BRIP1: variants seen among roughly 807,000 people sequenced by gnomAD.
The protein encoded by BRIP1 is BRCA1 interacting DNA helicase 1.
BRIP1 carries 88 observed loss-of-function variants against 119.7 expected under a neutral mutation model. The ratio of observed to expected loss-of-function variants is 0.74; its 90% CI spans 0.62 to 0.88. The LOEUF is 0.88. Ranked by LOEUF, BRIP1 falls within the 40% of genes least tolerant of loss-of-function variation. BRIP1 has a pLI of 0.00. For missense variants in BRIP1, 1,259 were observed against 1,455.4 expected, an observed-to-expected ratio of 0.87 and a Z score of 2.20; for synonymous variants, 443 against 496.5, an observed-to-expected ratio of 0.89 and a Z score of 1.43.
rs950081874 is a variant in BRIP1, at chr17:61,730,272, G to C, written c.2379+12741C>G. On this transcript the variant is annotated intron_variant, in intron 16 of 19. Transcript: ENST00000259008. The surrounding 1 kb of genome is among the most constrained non-coding windows in gnomAD (Gnocchi z 4.3). ...TAAAGCTTTACAGTTAGAAAAAAAA[G>C]TGACATAGTCACCTGAAGCCCCTCT... Among the ~76,000 whole-genome samples the C allele has an allele frequency of 3.9e-5, 6 of 152,134 alleles. No individual in the cohort carries two copies. The highest frequency in any genetic ancestry group is 1.4e-4 in the African/African-American group (6 of 41,432).
chr17:61,793,779 C>G lies in BRIP1; in HGVS notation c.1341-50G>C, dbSNP rs150458297. 6.4e-7 allele frequency: 1 copy of G among 1,567,096 alleles called. No homozygotes were observed. Among genetic ancestry groups the G allele is most frequent in the South Asian group, 1.1e-5 (1 of 87,864 alleles). On this transcript the variant is annotated intron_variant, in intron 9 of 19. Coordinates refer to ENST00000259008, the MANE Select transcript of BRIP1 (RefSeq NM_032043.3). The surrounding 1 kb of genome is among the most constrained non-coding windows in gnomAD (Gnocchi z 5.2). The stretch of plus-strand genomic sequence containing the variant: ...TCAACCAGTATCATCCTTACACACA[C>G]TATTTCAGCAGAACAAGAGAATCAT...
rs2144611208 is a variant in BRIP1 at position 61,735,685 on chromosome 17, C to T, written c.2379+7328G>A. ...GTGTGGTGGCGTGTGGCTGTAGTGC[C>T]AGCTACCCAGGAGGCTGAGGTGGGA... is the stretch of plus-strand genomic sequence containing the variant. On this transcript the variant is annotated intron_variant, in intron 16 of 19. Coordinates refer to ENST00000259008, the MANE Select transcript of BRIP1 (RefSeq NM_032043.3). The surrounding 1 kb of genome is among the most constrained non-coding windows in gnomAD (Gnocchi z 4.4). 6.6e-6 allele frequency among the ~76,000 whole-genome samples: 1 copy of T among 151,888 alleles called. No individual in the cohort carries two copies. Among genetic ancestry groups the T allele is most frequent in the East Asian group, 1.9e-4 (1 of 5,164 alleles).
intron 17 of BRIP1, among the ~76,000 whole-genome samples, chr17:61,698,527 C>T (rs984435841): frequency 2.0e-5 from 3 of 152,018 alleles, no homozygotes; most frequent in South Asian, 2.1e-4. Context: ...TAGTTTTGTT[C>T]AAGGCTTTTA....
At position 61,753,733 on chromosome 17, in the gene BRIP1, C is replaced by T. The variant is rs2077164096; in HGVS notation, c.2098-9142G>A. On this transcript the variant is annotated intron_variant, in intron 14 of 19. Transcript: ENST00000259008. This position sits in a 1 kb window ranked among gnomAD's most constrained non-coding sequence, Gnocchi z 4.6. ...CCTCCCACCTCAACCTCTCAAGTAG[C>T]TGGGACTACAGGTATGCACTGCCAT... is the stretch of plus-strand genomic sequence containing the variant. Among the ~76,000 whole-genome samples, 1 of 151,818 alleles carries T rather than the reference C, an allele frequency of 6.6e-6. No individual in the cohort carries two copies. Among genetic ancestry groups the T allele is most frequent in the Admixed American group, 6.6e-5 (1 of 15,222 alleles).
At position 61,822,781 on chromosome 17, in the gene BRIP1, G is replaced by T. The variant is rs1206480442; in HGVS notation, c.628-14024C>A. 6.6e-6 allele frequency among the ~76,000 whole-genome samples: 1 copy of T among 151,948 alleles called. No individual in the cohort carries two copies. The highest frequency in any genetic ancestry group is 2.4e-5 in the African/African-American group (1 of 41,332). ...AAAGTTTGTGTTTAAAAAAAAAAAG[G>T]CCCTGTATGACTAATATGGGGACCA... On this transcript the variant is annotated intron_variant, in intron 6 of 19. Coordinates refer to ENST00000259008, the MANE Select transcript of BRIP1 (RefSeq NM_032043.3). This position sits in a 1 kb window ranked among gnomAD's most constrained non-coding sequence, Gnocchi z 4.4.
chr17:61,681,297 T>A lies in BRIP1; in HGVS notation c.*1999A>T, dbSNP rs1434264542. Reference sequence around the variant, plus strand: ...TTTTAAATGAAATAATATGCTTTATTTTAACCGTTCTGGAACAAAAGCAAA... The same window carrying A: ...TTTTAAATGAAATAATATGCTTTATATTAACCGTTCTGGAACAAAAGCAAA... On this transcript the variant is annotated 3_prime_UTR_variant, in exon 20 of 20. Coordinates refer to ENST00000259008, the MANE Select transcript of BRIP1 (RefSeq NM_032043.3). The surrounding 1 kb of genome is among the most constrained non-coding windows in gnomAD (Gnocchi z 5.1). 3 of 210,644 alleles carry A rather than the reference T, an allele frequency of 1.4e-5. No homozygotes were observed. The highest frequency in any genetic ancestry group is 9.6e-6 in the Non-Finnish European group (1 of 103,898). 13.0% of individuals were successfully genotyped at this position (210,644 alleles called of 1,614,324 possible).
rs1279319762 is a variant in BRIP1, at chr17:61,841,845, A to AT, written c.627+5255dup. ...AGGCACGTACCACCACGCCTGGCTA[A>AT]TTTTTTTAAAAATTTTGTACAGATG... On this transcript the variant is annotated intron_variant, in intron 6 of 19. Coordinates refer to ENST00000259008, the MANE Select transcript of BRIP1 (RefSeq NM_032043.3). This position sits in a 1 kb window ranked among gnomAD's most constrained non-coding sequence, Gnocchi z 4.1. 1.3e-5 allele frequency among the ~76,000 whole-genome samples: 2 copies of AT among 152,024 alleles called. No individual in the cohort carries two copies. Among genetic ancestry groups the AT allele is most frequent in the Admixed American group, 1.3e-4 (2 of 15,242 alleles).
chr17:61,804,124 T>C lies in BRIP1; in HGVS notation c.919-2650A>G, dbSNP rs2078036406. 6.6e-6 allele frequency among the ~76,000 whole-genome samples: 1 copy of C among 152,122 alleles called. No homozygotes were observed. The highest frequency in any genetic ancestry group is 1.5e-5 in the Non-Finnish European group (1 of 67,996). On this transcript the variant is annotated intron_variant, in intron 7 of 19. Transcript: ENST00000259008. The surrounding 1 kb of genome is among the most constrained non-coding windows in gnomAD (Gnocchi z 4.5). ...CTGGTAGAATAGATATATAAAATCT[T>C]ACAGTAGTTACCTTAAAGGATTAAG...
rs1321381653 is a variant in BRIP1, at chr17:61,853,353, AG to A, written c.379+3704del. ...GGGACAGTGACTGAAAAAGAAGATG[AG>A]GAGGGCCTCTGGGGTGTTGGTAATG... On this transcript the variant is annotated intron_variant, in intron 4 of 19. Coordinates refer to ENST00000259008, the MANE Select transcript of BRIP1 (RefSeq NM_032043.3). This position sits in a 1 kb window ranked among gnomAD's most constrained non-coding sequence, Gnocchi z 4.3. Among the ~76,000 whole-genome samples, 1 of 151,820 alleles carries A rather than the reference AG, an allele frequency of 6.6e-6. No individual in the cohort carries two copies. Among genetic ancestry groups the A allele is most frequent in the African/African-American group, 2.4e-5 (1 of 41,386 alleles).
At position 61,808,394 on chromosome 17, in the gene BRIP1, T is replaced by C. The variant is rs2078104925; in HGVS notation, c.918+73A>G. On this transcript the variant is annotated intron_variant, in intron 7 of 19. Transcript: ENST00000259008. This position sits in a 1 kb window ranked among gnomAD's most constrained non-coding sequence, Gnocchi z 4.1. ...AAGTTGATTATCACTAAAATGTACA[T>C]ATAAAACACATACTGAGTAATTTAA... 3 of 1,456,040 alleles carry C rather than the reference T, an allele frequency of 2.1e-6. No individual in the cohort carries two copies. The highest frequency in any genetic ancestry group is 1.2e-5 in the South Asian group (1 of 86,692). 90.2% of individuals were successfully genotyped at this position (1,456,040 alleles called of 1,614,324 possible).
At position 61,701,214 on chromosome 17, in the gene BRIP1, CATG is replaced by C. The variant is rs1397512778; in HGVS notation, c.2493-7705_2493-7703del. Reference sequence around the variant, plus strand: ...TAGTTATACTTTCTTTGTTATGTGTCATGATTTTTGTTGAAAACAGTACATTTT... The same window carrying C: ...TAGTTATACTTTCTTTGTTATGTGTCATTTTTGTTGAAAACAGTACATTTT... On this transcript the variant is annotated intron_variant, in intron 17 of 19. Coordinates refer to ENST00000259008, the MANE Select transcript of BRIP1 (RefSeq NM_032043.3). This position sits in a 1 kb window ranked among gnomAD's most constrained non-coding sequence, Gnocchi z 5.1. Among the ~76,000 whole-genome samples, 31 of 152,198 alleles carry C rather than the reference CATG, an allele frequency of 2.0e-4. No individual in the cohort carries two copies. The highest frequency in any genetic ancestry group is 2.0e-3 in the Admixed American group (30 of 15,274).
chr17:61,696,801 C>T (rs141731327), intron 17 of BRIP1, among the ~76,000 whole-genome samples: 3,939 of 151,232 alleles, frequency 0.026, 162 homozygotes, highest in African/African-American at 0.09. Flanking sequence ...CTGGCTAACA[C>T]GGTGAAACCC....
chr17:61,689,026 C>CTGTTATGTTATGTCATGTTATGTTA lies in BRIP1; in HGVS notation c.2576-2862_2576-2861insTAACATAACATGACATAACATAACA, dbSNP rs2061404580. Reference sequence around the variant, plus strand: ...TACTTTATTTTATATATTTTATATTCTGTTATGTTATGTTATGTTATGTTA... The same window carrying CTGTTATGTTATGTCATGTTATGTTA: ...TACTTTATTTTATATATTTTATATTCTGTTATGTTATGTCATGTTATGTTATGTTATGTTATGTTATGTTATGTTA... On this transcript the variant is annotated intron_variant, in intron 18 of 19. Transcript: ENST00000259008. The surrounding 1 kb of genome is among the most constrained non-coding windows in gnomAD (Gnocchi z 4.5). 6.9e-6 allele frequency among the ~76,000 whole-genome samples: 1 copy of CTGTTATGTTATGTCATGTTATGTTA among 145,598 alleles called. No individual in the cohort carries two copies. The highest frequency in any genetic ancestry group is 1.5e-5 in the Non-Finnish European group (1 of 67,116).
rs553849244 is a variant in BRIP1, at chr17:61,717,847, C to T, written c.2380-1784G>A. On this transcript the variant is annotated intron_variant, in intron 16 of 19. Coordinates refer to ENST00000259008, the MANE Select transcript of BRIP1 (RefSeq NM_032043.3). This position sits in a 1 kb window ranked among gnomAD's most constrained non-coding sequence, Gnocchi z 4.1. ...TATTACTCCACATGTCACTGACCCTCTTTTTTTTCACTCTACACTTCATTT... is the reference window on the plus strand; with the variant it reads ...TATTACTCCACATGTCACTGACCCTTTTTTTTTTCACTCTACACTTCATTT... Among the ~76,000 whole-genome samples, 80 of 151,904 alleles carry T rather than the reference C, an allele frequency of 5.3e-4. No homozygotes were observed. Among genetic ancestry groups the T allele is most frequent in the Admixed American group, 1.7e-3 (26 of 15,228 alleles).
rs550412464 is a variant in BRIP1 at position 61,725,614 on chromosome 17, G to A, written c.2380-9551C>T. On this transcript the variant is annotated intron_variant, in intron 16 of 19. Coordinates refer to ENST00000259008, the MANE Select transcript of BRIP1 (RefSeq NM_032043.3). The surrounding 1 kb of genome is among the most constrained non-coding windows in gnomAD (Gnocchi z 5.3). ...GCATGCTTATTCTGTAAAGGGCTAA[G>A]TTAAAGTTTTCATTTTTATTTTTTA... Among the ~76,000 whole-genome samples the A allele has an allele frequency of 1.5e-3, 231 of 152,184 alleles. 1 individual carries two copies. The Middle Eastern group carries it at 0.017, about 11-fold the overall frequency.
In BRIP1 at chr17:61,722,288, G is replaced by T. The variant is rs917817489; in HGVS notation, c.2380-6225C>A. Among the ~76,000 whole-genome samples the T allele has an allele frequency of 6.6e-6, 1 of 151,892 alleles. No individual in the cohort carries two copies. Among genetic ancestry groups the T allele is most frequent in the Non-Finnish European group, 1.5e-5 (1 of 67,968 alleles). On this transcript the variant is annotated intron_variant, in intron 16 of 19. Coordinates refer to ENST00000259008, the MANE Select transcript of BRIP1 (RefSeq NM_032043.3). This position sits in a 1 kb window ranked among gnomAD's most constrained non-coding sequence, Gnocchi z 4.6. ...GATCTCCAGACCTGGTGATCCCTCT[G>T]CCTCGGCTTCCCAAAGGGCTGAGAT...
In BRIP1 at chr17:61,762,222, T is replaced by C. The variant is rs2077287349; in HGVS notation, c.2097+14179A>G. 6.6e-6 allele frequency among the ~76,000 whole-genome samples: 1 copy of C among 151,970 alleles called. No homozygotes were observed. Among genetic ancestry groups the C allele is most frequent in the African/African-American group, 2.4e-5 (1 of 41,412 alleles). On this transcript the variant is annotated intron_variant, in intron 14 of 19. Coordinates refer to ENST00000259008, the MANE Select transcript of BRIP1 (RefSeq NM_032043.3). The surrounding 1 kb of genome is among the most constrained non-coding windows in gnomAD (Gnocchi z 4.3). Reference sequence around the variant, plus strand: ...ATGCAGAAGAATGAAAATGGACCCTTATCTCACAATATTTAAAAAAAAACT... The same window carrying C: ...ATGCAGAAGAATGAAAATGGACCCTCATCTCACAATATTTAAAAAAAAACT...
intron 16 of BRIP1, among the ~76,000 whole-genome samples, chr17:61,733,898 A>C (rs1300104240): frequency 6.6e-6 from 1 of 152,196 alleles, no homozygotes; most frequent in Admixed American, 6.5e-5. Context: ...AGTACCATCA[A>C]ATTTTATTAA....
chr17:61,772,834 A>C (rs1035463889), intron 14 of BRIP1, among the ~76,000 whole-genome samples: 5 of 151,362 alleles, frequency 3.3e-5, no homozygotes, highest in Non-Finnish European at 7.4e-5. Context: ...AAAAAAAAAA[A>C]AAAAAAAAAC....
Sources: allele counts gnomAD v4.1 joint callset (sites outside exome capture counted in the v4.1 genomes callset), GRCh38; gene constraint gnomAD v4.1.1; non-coding constraint Gnocchi (gnomAD v3.1); transcripts MANE v1.5; gene names NCBI Gene and HGNC (gene_info 2026-07-23, HGNC 2026-07-21).